Variants in THBS2 observed in about 807,000 individuals in gnomAD.
The protein encoded by THBS2 is thrombospondin 2.
A neutral mutation model predicts 135.2 loss-of-function variants in THBS2; 47 were observed. That is an observed-to-expected ratio of 0.35 (90% CI 0.28 to 0.44). The LOEUF (loss-of-function observed/expected upper bound fraction) is 0.44. Among genes scored for constraint, THBS2 ranks in the 20% least tolerant of loss-of-function variants. The pLI, the probability that THBS2 is intolerant of heterozygous loss-of-function variation, is 1.00. For missense variants in THBS2, 1,288 were observed against 1,603.1 expected (o/e 0.80, Z 3.36); for synonymous variants, 639 against 633.8 (o/e 1.01, Z -0.12).
At chr6:169,223,192 T>C (rs1287192208) in intron 18 of THBS2, 56 bp downstream of exon 18, 1 of 1,539,804 alleles carries the variant, frequency 6.5e-7, no homozygotes. Flanking sequence ...CTGCATCTTC[T>C]GTGGGCGCCT....
Position 169,226,258 on chromosome 6 carries a change from G to T in THBS2, c.2460C>A (p.Asn820Lys). The T allele has an allele frequency of 1.9e-6, 3 of 1,614,164 alleles. No homozygotes were observed. Among genetic ancestry groups the T allele is most frequent in the Non-Finnish European group, 2.5e-6 (3 of 1,179,996 alleles). The change falls in exon 16 of 22, where the codon AAC becomes AAA. Residue 820 changes from asparagine to lysine, a missense_variant. Transcript: ENST00000617924. ...NERDNCPYVY[N>K]TDQRDTDGDG... ...CACCATCCGTGTCCCTCTGGTCAGT[G>T]TTGTAGACGTAGGGACAATTGTCTC...
intron 14 of THBS2, among the ~76,000 whole-genome samples, chr6:169,229,263 T>C (rs1779748845): frequency 6.6e-6 from 1 of 152,252 alleles, no homozygotes; most frequent in Non-Finnish European, 1.5e-5. Context: ...TCACTCATGG[T>C]GGTGTCAGCC....
chr6:169,246,025 T>G (rs1270736955), intron 4 of THBS2, 172 bp downstream of exon 4: 1 of 471,242 alleles, frequency 2.1e-6, no homozygotes, highest in Non-Finnish European at 3.8e-6. Flanking sequence ...TATCAACATG[T>G]CTAAGTTGAC....
intron 9 of THBS2, among the ~76,000 whole-genome samples, chr6:169,236,761 ACACT>A (rs1434171198): frequency 1.5e-5 from 2 of 131,818 alleles, no homozygotes; most frequent in Admixed American, 7.9e-5. Flanking sequence ...CACTCCATCC[ACACT>A]CACTCCCCGT....
At chr6:169,246,451 A>T (rs2115030539) in intron 3 of THBS2, among the ~76,000 whole-genome samples, 170 bp from the exon 4 acceptor site, 1 of 152,364 alleles carries the variant, frequency 6.6e-6, no homozygotes, top group South Asian at 2.1e-4. Flanking sequence ...TGTATATAGT[A>T]CTTTTGAAAT....
chr6:169,247,181 G>A (rs968017883), intron 3 of THBS2, among the ~76,000 whole-genome samples: 1 of 152,218 alleles, frequency 6.6e-6, no homozygotes, highest in South Asian at 2.1e-4. Flanking sequence ...AATTAGTGCA[G>A]TTAGGGAAGC....
intron 5 of THBS2, among the ~76,000 whole-genome samples, chr6:169,240,840 G>A (rs943019784): frequency 3.3e-5 from 5 of 152,082 alleles, no homozygotes; most frequent in Admixed American, 6.5e-5. Flanking sequence ...AGCGGAAATC[G>A]CGTGGCTCAC....
chr6:169,242,669 CTCCCACCT>C (rs1349575723), intron 4 of THBS2, among the ~76,000 whole-genome samples: 1 of 31,318 alleles, frequency 3.2e-5, no homozygotes, highest in African/African-American at 1.5e-4. Flanking sequence ...CTTCCCACCA[CTCCCACCT>C]TCCCACCTTC....
intron 15 of THBS2, 148 bp downstream of exon 15, chr6:169,227,974 A>C (rs1461708670): frequency 4.4e-6 from 4 of 909,662 alleles, no homozygotes; most frequent in South Asian, 3.7e-5. Context: ...CCAGCTACTC[A>C]GGAGGCTGAA....
At chr6:169,236,291 T>C (rs796628704) in intron 9 of THBS2, among the ~76,000 whole-genome samples, 2,547 of 66,920 alleles carry the variant, frequency 0.038, no homozygotes, top group East Asian at 0.13. Context: ...TCCACACTCA[T>C]TCCCATCCAC....
rs901895190 is a variant in THBS2, at chr6:169,250,899, A to T, written c.-22-93T>A. The T allele has an allele frequency of 7.8e-6, 6 of 770,052 alleles. No homozygotes were observed. The African/African-American group carries it at 1.1e-4, about 14-fold the overall frequency. 47.7% of individuals were successfully genotyped at this position (770,052 alleles called of 1,614,324 possible). A position where few individuals can be genotyped will look rare whatever the true frequency, so the allele number is the denominator to read the frequency against. On this transcript the variant is annotated intron_variant, in intron 1 of 21. Coordinates refer to ENST00000617924, the MANE Select transcript of THBS2 (RefSeq NM_003247.5). ...GCCCAGTGACTCACATGACCATTGA[A>T]TAACAGTTTGCATATAAAACTCAGC...
intron 9 of THBS2, 127 bp downstream of exon 9, chr6:169,237,043 T>C: frequency 9.1e-7 from 1 of 1,104,580 alleles, no homozygotes; most frequent in Non-Finnish European, 1.3e-6. Flanking sequence ...CCCCCTTTGC[T>C]GCTCGGCTGG....
chr6:169,239,991 C>T (rs1399743033), intron 6 of THBS2, among the ~76,000 whole-genome samples: 2 of 152,194 alleles, frequency 1.3e-5, no homozygotes, highest in East Asian at 3.8e-4. Context: ...AAAAGACGGG[C>T]AGCAGGAACT....
Position 169,241,757 on chromosome 6 carries a change from C to G in THBS2, c.891+5G>C. ...GACCCCCGCGGCCCCTGCGTGAGTA[C>G]CCACCACTCTCTTGAGGTTCTCGCT... On this transcript the variant is annotated splice_donor_5th_base_variant and intron_variant, in intron 5 of 21. Coordinates refer to ENST00000617924, the MANE Select transcript of THBS2 (RefSeq NM_003247.5). The surrounding 1 kb of genome is among the most constrained non-coding windows in gnomAD (Gnocchi z 5.5). The G allele has an allele frequency of 1.3e-6, 2 of 1,599,470 alleles. No individual in the cohort carries two copies. Among genetic ancestry groups the G allele is most frequent in the Non-Finnish European group, 1.7e-6 (2 of 1,169,506 alleles).
At chr6:169,227,910 C>G (rs552663357) in intron 15 of THBS2, among the ~76,000 whole-genome samples, 1 of 152,038 alleles carries the variant, frequency 6.6e-6, no homozygotes, top group South Asian at 2.1e-4. Context: ...GGTGAAACCT[C>G]GTCTCTACTT....
chr6:169,243,216 T>C (rs1308554620), intron 4 of THBS2, among the ~76,000 whole-genome samples: 2 of 146,182 alleles, frequency 1.4e-5, no homozygotes, highest in East Asian at 2.2e-4. Context: ...CTCCCACCTT[T>C]CCACATTCCC....
chr6:169,226,529 A>C (rs899205302), intron 15 of THBS2, among the ~76,000 whole-genome samples: 1 of 152,200 alleles, frequency 6.6e-6, no homozygotes, highest in Non-Finnish European at 1.5e-5. Context: ...AATAGAACCA[A>C]CTTTTGGAGA....
chr6:169,242,643 T>TTCCCACCAC (rs1780363495), intron 4 of THBS2, among the ~76,000 whole-genome samples: 2 of 73,388 alleles, frequency 2.7e-5, no homozygotes, highest in African/African-American at 1.1e-4. Context: ...CACTCCCACC[T>TTCCCACCAC]TCCCACCACT....
At chr6:169,227,413 T>C (rs571031903) in intron 15 of THBS2, among the ~76,000 whole-genome samples, 3 of 152,336 alleles carry the variant, frequency 2.0e-5, no homozygotes, top group African/African-American at 7.2e-5. Flanking sequence ...CCGGGATCAG[T>C]GGCAGAGGTA....
Sources: allele counts gnomAD v4.1 joint callset (sites outside exome capture counted in the v4.1 genomes callset), GRCh38; gene constraint gnomAD v4.1.1; non-coding constraint Gnocchi (gnomAD v3.1); transcripts MANE v1.5; gene names NCBI Gene and HGNC (gene_info 2026-07-23, HGNC 2026-07-21).